DGAT2: variants seen among roughly 807,000 people sequenced by gnomAD.
The protein encoded by DGAT2 is diacylglycerol O-acyltransferase 2, also known as acyl-CoA retinol O-fatty-acyltransferase.
A neutral mutation model predicts 48.4 loss-of-function variants in DGAT2; 33 were observed. The ratio of observed to expected loss-of-function variants is 0.68; its 90% confidence interval spans 0.52 to 0.91. DGAT2 has a LOEUF of 0.91. Ranked by LOEUF, DGAT2 falls within the 40% of genes least tolerant of loss-of-function variation. The pLI, the probability that DGAT2 is intolerant of heterozygous loss-of-function variation, is 0.00. For missense variants in DGAT2, 446 were observed against 493.7 expected (o/e 0.90, Z 0.92); for synonymous variants, 191 against 194.1 (o/e 0.98, Z 0.13).
intron 5 of DGAT2, 132 bp downstream of exon 5, chr11:75,796,664 T>C: frequency 1.1e-6 from 1 of 910,222 alleles, no homozygotes; most frequent in South Asian, 1.7e-5. Context: ...TGCAACCTGC[T>C]TCAGACATGG....
intron 1 of DGAT2, chr11:75,784,407 A>G (rs757432148): frequency 2.3e-5 from 12 of 528,908 alleles, no homozygotes; most frequent in East Asian, 6.6e-5. Flanking sequence ...TTGTGTATCT[A>G]TAGAAACCAG....
chr11:75,798,392 G>C lies in DGAT2; in HGVS notation c.975G>C (p.Trp325Cys). 1.9e-6 allele frequency: 3 copies of C among 1,613,754 alleles called. No individual in the cohort carries two copies. The highest frequency in any genetic ancestry group is 2.5e-6 in the Non-Finnish European group (3 of 1,180,030). Residue 325 changes from tryptophan (W) to cysteine (C), a missense_variant, in exon 7 of 8, where the codon TGG (tryptophan) becomes TGC (cysteine). Trp to Cys is a radical substitution (Grantham distance 215, BLOSUM62 -2). Coordinates refer to ENST00000228027, the MANE Select transcript of DGAT2 (RefSeq NM_032564.5). ...GAGGCCTCTTCTCCTCCGACACCTG[G>C]GGGCTGGTGCCCTACTCCAAGCCCA... is the stretch of plus-strand genomic sequence containing the variant. ...HGRGLFSSDT[W>C]GLVPYSKPIT...
chr11:75,770,405 C>T (rs1311247024), intron 1 of DGAT2, among the ~76,000 whole-genome samples: 1 of 152,170 alleles, frequency 6.6e-6, no homozygotes, highest in Admixed American at 6.5e-5. Flanking sequence ...GTCTCGGGGG[C>T]GAGCAGCTTG....
rs1945105746 is a variant in DGAT2 at position 75,800,843 on chromosome 11, T to A, written c.*335T>A. 3.9e-6 allele frequency: 1 copy of A among 258,868 alleles called. No homozygotes were observed. The highest frequency in any genetic ancestry group is 5.2e-5 in the Admixed American group (1 of 19,114). 16.0% of individuals were successfully genotyped at this position (258,868 alleles called of 1,614,324 possible). On this transcript the variant is annotated 3_prime_UTR_variant, in exon 8 of 8. Transcript: ENST00000228027. The stretch of plus-strand genomic sequence containing the variant: ...TAGTGACTTGGACCAGTTAGATGAT[T>A]CACTTTTTGCCCCTAGGGATGAGAG...
At chr11:75,783,768 C>T (rs138602958) in intron 1 of DGAT2, among the ~76,000 whole-genome samples, 179 of 152,326 alleles carry the variant, frequency 1.2e-3, no homozygotes, top group Non-Finnish European at 2.0e-3. Context: ...CACCAGGCTT[C>T]CTGTCCCTAC....
intron 1 of DGAT2, among the ~76,000 whole-genome samples, chr11:75,770,153 C>G (rs1433518820): frequency 6.6e-6 from 1 of 152,174 alleles, no homozygotes; most frequent in Non-Finnish European, 1.5e-5. Flanking sequence ...TGAGGACATG[C>G]TGTAGATATA....
chr11:75,769,815 C>G (rs73504551), intron 1 of DGAT2, among the ~76,000 whole-genome samples: 82 of 152,242 alleles, frequency 5.4e-4, no homozygotes, highest in African/African-American at 1.8e-3. Flanking sequence ...GCCTTGACCC[C>G]TGGATTCAAG....
chr11:75,784,539 TG>T, intron 1 of DGAT2, 78 bp from the exon 2 acceptor site: 1 of 1,571,572 alleles, frequency 6.4e-7, no homozygotes, highest in South Asian at 1.2e-5. Flanking sequence ...AGGGTACCTG[TG>T]GGAGGTGAGG....
At chr11:75,779,524 G>A (rs1213448261) in intron 1 of DGAT2, among the ~76,000 whole-genome samples, 1 of 152,192 alleles carries the variant, frequency 6.6e-6, no homozygotes, top group African/African-American at 2.4e-5. Context: ...AGAGAGTGCT[G>A]TGGGACGGTG....
intron 2 of DGAT2, among the ~76,000 whole-genome samples, chr11:75,786,562 A>G (rs951639894): frequency 6.6e-6 from 1 of 152,116 alleles, no homozygotes; most frequent in Non-Finnish European, 1.5e-5. Context: ...TTAATAATTG[A>G]TCAGACCCAA....
At chr11:75,783,348 C>G (rs1033408764) in intron 1 of DGAT2, among the ~76,000 whole-genome samples, 6 of 152,222 alleles carry the variant, frequency 3.9e-5, no homozygotes, top group Admixed American at 3.3e-4. Context: ...TCCTAAAAGT[C>G]AAAGCAGTTG....
At chr11:75,797,519 G>A (rs1030116915) in intron 6 of DGAT2, among the ~76,000 whole-genome samples, 187 bp downstream of exon 6, 2 of 152,240 alleles carry the variant, frequency 1.3e-5, no homozygotes, top group African/African-American at 2.4e-5. Context: ...ATGTGTGTCT[G>A]GGTGGGCACA....
At chr11:75,790,567 G>T in intron 3 of DGAT2, 94 bp from the exon 4 acceptor site, 1 of 1,172,470 alleles carries the variant, frequency 8.5e-7, no homozygotes, top group South Asian at 1.2e-5. Context: ...ATGGGGTGAT[G>T]GTCACCTGCT....
At chr11:75,790,600 T>C in intron 3 of DGAT2, 61 bp from the exon 4 acceptor site, 1 of 1,527,554 alleles carries the variant, frequency 6.5e-7, no homozygotes. Flanking sequence ...TGGCCCTGTC[T>C]TGTCTGCCTT....
At position 75,778,833 on chromosome 11, in the gene DGAT2, CAA is replaced by C. The variant is rs746636359; in HGVS notation, c.122-5764_122-5763del. 5.9e-3 allele frequency among the ~76,000 whole-genome samples: 404 copies of C among 68,444 alleles called. 1 individual carries two copies. The highest frequency in any genetic ancestry group is 0.016 in the African/African-American group (349 of 21,754). The allele number at this position is 68,444 out of a possible 152,430, so 44.9% of individuals were successfully genotyped here. A position where few individuals can be genotyped will look rare whatever the true frequency, so the allele number is the denominator to read the frequency against. ...TGGGCGACAGATCGGGACTCCGTCT[CAA>C]AAAAAAAAAAAAAAAAAAAATTTAA... On this transcript the variant is annotated intron_variant, in intron 1 of 7. Coordinates refer to ENST00000228027, the MANE Select transcript of DGAT2 (RefSeq NM_032564.5).
At position 75,800,741 on chromosome 11, in the gene DGAT2, G is replaced by A. The variant is rs2135783795; in HGVS notation, c.*233G>A. ...GGCTAAATCTGGGCCTAATCTGGGT[G>A]GCTCAGCTAACCTCTCTTCTTCCCT... On this transcript the variant is annotated 3_prime_UTR_variant, in exon 8 of 8. Coordinates refer to ENST00000228027, the MANE Select transcript of DGAT2 (RefSeq NM_032564.5). 1 of 496,522 alleles carries A rather than the reference G, an allele frequency of 2.0e-6. No homozygotes were observed. The highest frequency in any genetic ancestry group is 3.9e-5 in the East Asian group (1 of 25,694). The allele number at this position is 496,522 out of a possible 1,614,324, so 30.8% of individuals were successfully genotyped here. A position where few individuals can be genotyped will look rare whatever the true frequency, so the allele number is the denominator to read the frequency against.
At position 75,769,027 on chromosome 11, in the gene DGAT2, G is replaced by A. The variant is rs1232941733; in HGVS notation, c.36G>A (p.Leu12=). The change falls in exon 1 of 8, where the codon CTG becomes CTA. Residue 12 remains leucine, a synonymous_variant. Coordinates refer to ENST00000228027, the MANE Select transcript of DGAT2 (RefSeq NM_032564.5). Reference sequence around the variant, plus strand: ...TCATAGCCGCCTACTCCGGGGTCCTGCGCGGCGAGCGTCAGGCCGAGGCTG... The same window carrying A: ...TCATAGCCGCCTACTCCGGGGTCCTACGCGGCGAGCGTCAGGCCGAGGCTG... ...KTLIAAYSGV[L]RGERQAEADR... is the part of the protein sequence containing the mutation. 5 of 1,577,144 alleles carry A rather than the reference G, an allele frequency of 3.2e-6. No homozygotes were observed. Among genetic ancestry groups the A allele is most frequent in the Admixed American group, 3.6e-5 (2 of 55,876 alleles).
chr11:75,783,131 G>A (rs1275192715), intron 1 of DGAT2, among the ~76,000 whole-genome samples: 1 of 152,222 alleles, frequency 6.6e-6, no homozygotes, highest in Non-Finnish European at 1.5e-5. Context: ...CCCCAGTTAT[G>A]CCAGTGGTGT....
chr11:75,797,287 C>G lies in DGAT2; in HGVS notation c.764C>G (p.Thr255Ser). 2 of 1,562,718 alleles carry G rather than the reference C, an allele frequency of 1.3e-6. No individual in the cohort carries two copies. Among genetic ancestry groups the G allele is most frequent in the Non-Finnish European group, 1.7e-6 (2 of 1,154,110 alleles). ...TCCATGCCTGGCAAGAATGCAGTCA[C>G]CCTGCGGAACCGCAAGGGCTTTGTG... ...LSSMPGKNAV[T>S]LRNRKGFVKL... The change falls in exon 6 of 8, where the codon ACC (threonine) becomes AGC (serine). Residue 255 changes from threonine to serine, a missense_variant. Thr to Ser is a moderately conservative substitution (Grantham distance 58). Coordinates refer to ENST00000228027, the MANE Select transcript of DGAT2 (RefSeq NM_032564.5).
Sources: allele counts gnomAD v4.1 joint callset (sites outside exome capture counted in the v4.1 genomes callset), GRCh38; gene constraint gnomAD v4.1.1; transcripts MANE v1.5; gene names NCBI Gene and HGNC (gene_info 2026-07-23, HGNC 2026-07-21).